CNTN2: variants seen among roughly 807,000 people sequenced by gnomAD.
The protein encoded by CNTN2 is contactin 2.
A neutral mutation model predicts 117.5 loss-of-function variants in CNTN2; 53 were observed. The ratio of observed to expected loss-of-function variants is 0.45; its 90% CI spans 0.36 to 0.57. The LOEUF (loss-of-function observed/expected upper bound fraction) is 0.57, where lower values mean the gene tolerates loss of function less well. Ranked by LOEUF, CNTN2 falls within the 20% of genes least tolerant of loss-of-function variation. The pLI, the probability that CNTN2 is intolerant of heterozygous loss-of-function variation, is 0.00. For missense variants in CNTN2, 1,106 were observed against 1,404.3 expected (o/e 0.79, Z 3.39); for synonymous variants, 530 against 561.7 (o/e 0.94, Z 0.80).
intron 15 of CNTN2, 123 bp downstream of exon 15, chr1:205,066,722 G>C (rs1654311585): frequency 1.8e-6 from 2 of 1,139,728 alleles, no homozygotes; most frequent in Admixed American, 5.0e-5. Context: ...TTCAAAGAGG[G>C]ACAAGATCTG....
chr1:205,050,319 C>CAG (rs1334522560), intron 1 of CNTN2, among the ~76,000 whole-genome samples: 5 of 111,530 alleles, frequency 4.5e-5, no homozygotes, highest in African/African-American at 1.3e-4. Context: ...GTGTGTGTGA[C>CAG]AGAGAGAGAG....
intron 2 of CNTN2, among the ~76,000 whole-genome samples, chr1:205,056,567 A>G (rs1653634717): frequency 6.6e-6 from 1 of 152,128 alleles, no homozygotes; most frequent in African/African-American, 2.4e-5. Flanking sequence ...GCCACCCCCT[A>G]CCCCTGGAAG....
intron 2 of CNTN2, among the ~76,000 whole-genome samples, chr1:205,056,805 C>A (rs1347874286): frequency 6.6e-6 from 1 of 152,176 alleles, no homozygotes; most frequent in Admixed American, 6.5e-5. Flanking sequence ...TCCGGCCAAT[C>A]TGTGGCTCTT....
Position 205,065,724 on chromosome 1 carries a change from A to G in CNTN2, c.1696-65A>G. 6.3e-7 allele frequency: 1 copy of G among 1,586,170 alleles called. No individual in the cohort carries two copies. The highest frequency in any genetic ancestry group is 8.6e-7 in the Non-Finnish European group (1 of 1,161,570). Reference sequence around the variant, plus strand: ...ACTCCCAAGCGCTGCCTCATGTCTCATGGCCTGCTGCACTGGTCAGGGCCG... The same window carrying G: ...ACTCCCAAGCGCTGCCTCATGTCTCGTGGCCTGCTGCACTGGTCAGGGCCG... On this transcript the variant is annotated intron_variant, in intron 13 of 22. Coordinates refer to ENST00000331830, the MANE Select transcript of CNTN2 (RefSeq NM_005076.5). The surrounding 1 kb of genome is among the most constrained non-coding windows in gnomAD (Gnocchi z 4.1).
rs144623146 is a variant in CNTN2 at position 205,077,746 on chromosome 1, C to T, written c.*3981C>T. The T allele has an allele frequency of 1.3e-5, 2 of 152,356 alleles. No homozygotes were observed. The highest frequency in any genetic ancestry group is 3.9e-4 in the East Asian group (2 of 5,182). The allele number at this position is 152,356 out of a possible 1,614,324, so 9.4% of individuals were successfully genotyped here. A position where few individuals can be genotyped will look rare whatever the true frequency, so the allele number is the denominator to read the frequency against. On this transcript the variant is annotated 3_prime_UTR_variant, in exon 23 of 23. Transcript: ENST00000331830. ...CCTTTGGGGCCTATGACACTTAGTG[C>T]CCTTAGATGGGATACATCTTGCCTC... is the stretch of plus-strand genomic sequence containing the variant.
intron 2 of CNTN2, among the ~76,000 whole-genome samples, chr1:205,055,123 C>T (rs1322284590): frequency 6.6e-6 from 1 of 152,090 alleles, no homozygotes; most frequent in Admixed American, 6.5e-5. Flanking sequence ...AAGCGATTCT[C>T]CTGCCTCAAC....
At chr1:205,060,832 C>T (rs1653936817) in intron 7 of CNTN2, 1 of 177,906 alleles carries the variant, frequency 5.6e-6, no homozygotes, top group Non-Finnish European at 1.2e-5. Flanking sequence ...ACTAAAGTCC[C>T]TTTCAAAGTA....
At position 205,073,883 on chromosome 1, in the gene CNTN2, CTACTT is replaced by C. The variant is rs1005896303; in HGVS notation, c.*121_*125del. On this transcript the variant is annotated 3_prime_UTR_variant, in exon 23 of 23. Coordinates refer to ENST00000331830, the MANE Select transcript of CNTN2 (RefSeq NM_005076.5). The surrounding 1 kb of genome is among the most constrained non-coding windows in gnomAD (Gnocchi z 6.3). The stretch of plus-strand genomic sequence containing the variant: ...CCAGAGAGTGGCTGGTTTTAAATAC[CTACTT>C]TAAACAGTGCCCTTTTTGTAGGAGG... The C allele has an allele frequency of 4.1e-6, 3 of 736,054 alleles. No individual in the cohort carries two copies. Among genetic ancestry groups the C allele is most frequent in the African/African-American group, 1.7e-5 (1 of 57,184 alleles). 45.6% of individuals were successfully genotyped at this position (736,054 alleles called of 1,614,324 possible).
intron 12 of CNTN2, among the ~76,000 whole-genome samples, 164 bp from the exon 13 acceptor site, chr1:205,064,923 C>G (rs1475255294): frequency 6.6e-6 from 1 of 152,166 alleles, no homozygotes; most frequent in East Asian, 1.9e-4. Flanking sequence ...TCATGCCTCC[C>G]TGCCTGCCAC....
At position 205,069,524 on chromosome 1, in the gene CNTN2, G is replaced by T. The variant is rs1267855778; in HGVS notation, c.2159G>T (p.Gly720Val). 6.2e-7 allele frequency: 1 copy of T among 1,614,070 alleles called. No homozygotes were observed. The highest frequency in any genetic ancestry group is 8.5e-7 in the Non-Finnish European group (1 of 1,180,036). ...PSVAPSGLSG[G>V]GGAPGELIVN... ...GTGGCACCCTCAGGACTCAGCGGAGGAGGTGGAGCCCCCGGAGAGCTCATC... is the reference window on the plus strand; with the variant it reads ...GTGGCACCCTCAGGACTCAGCGGAGTAGGTGGAGCCCCCGGAGAGCTCATC... The change falls in exon 17 of 23, where the codon GGA (glycine) becomes GTA (valine). Residue 720 changes from glycine to valine, a missense_variant. Transcript: ENST00000331830.
chr1:205,066,452 C>A lies in CNTN2; in HGVS notation c.1828C>A (p.Pro610Thr). Reference sequence around the variant, plus strand: ...ACCTCTTGGTGCAGGTCCGCCAGGTCCCCCAGGAGGTGTGGTGGTGAGGGA... The same window carrying A: ...ACCTCTTGGTGCAGGTCCGCCAGGTACCCCAGGAGGTGTGGTGGTGAGGGA... ...ATVLVRGPPGPPGGVVVRDIG... is the reference protein window; with the variant it reads ...ATVLVRGPPGTPGGVVVRDIG... The change falls in exon 15 of 23, where the codon CCC (proline) becomes ACC (threonine). Residue 610 changes from proline (P) to threonine (T), a missense_variant. Coordinates refer to ENST00000331830, the MANE Select transcript of CNTN2 (RefSeq NM_005076.5). 6.2e-7 allele frequency: 1 copy of A among 1,613,858 alleles called. No homozygotes were observed.
intron 18 of CNTN2, 52 bp from the exon 19 acceptor site, chr1:205,070,374 C>T: frequency 7.5e-7 from 1 of 1,325,360 alleles, no homozygotes; most frequent in South Asian, 1.2e-5. Flanking sequence ...GGCTGCTCTG[C>T]AGGACACAGG....
At chr1:205,050,022 CT>C (rs79229240) in intron 1 of CNTN2, among the ~76,000 whole-genome samples, 33,160 of 151,910 alleles carry the variant, frequency 0.22, 4,466 homozygotes, top group East Asian at 0.62. Context: ...CTCCAAAGAA[CT>C]CTGTAAAGTG....
chr1:205,064,992 TG>T, intron 12 of CNTN2, 94 bp from the exon 13 acceptor site: 3 of 1,402,140 alleles, frequency 2.1e-6, no homozygotes, highest in Non-Finnish European at 2.9e-6. Context: ...TTCTCTTTGC[TG>T]GGCCTTAGGA....
At chr1:205,055,460 T>C (rs2096459518) in intron 2 of CNTN2, among the ~76,000 whole-genome samples, 1 of 152,114 alleles carries the variant, frequency 6.6e-6, no homozygotes, top group South Asian at 2.1e-4. Flanking sequence ...ATGGAGGTGG[T>C]ACTACGCTGG....
At chr1:205,070,282 A>G in intron 18 of CNTN2, 144 bp from the exon 19 acceptor site, 1 of 704,170 alleles carries the variant, frequency 1.4e-6, no homozygotes, top group South Asian at 1.8e-5. Flanking sequence ...TGGGCCCTGG[A>G]GCATTGCTTG....
rs144293383 is a variant in CNTN2 at position 205,070,508 on chromosome 1, G to C, written c.2514G>C (p.Gln838His). 3 of 1,613,920 alleles carry C rather than the reference G, an allele frequency of 1.9e-6. No individual in the cohort carries two copies. Among genetic ancestry groups the C allele is most frequent in the Admixed American group, 3.3e-5 (2 of 60,024 alleles). ...ACGTGACCTGGGAACCCGTGCAGCA[G>C]GACATGAATGGTATCCTCCTGGGGT... Reference protein sequence around the residue: ...EMNVTWEPVQQDMNGILLGYE... With the variant: ...EMNVTWEPVQHDMNGILLGYE... Residue 838 changes from glutamine (Q) to histidine (H), a missense_variant, in exon 19 of 23, where the codon CAG (glutamine) becomes CAC (histidine). Transcript: ENST00000331830.
At position 205,071,996 on chromosome 1, in the gene CNTN2, G is replaced by C; in HGVS notation, c.2594G>C (p.Arg865Thr). ...AAAGAAGCAGCTGCGGACCGAGTGA[G>C]GACAGCAGGGCTGGACACCAGTGCC... ...GDKEAAADRV[R>T]TAGLDTSARV... Residue 865 changes from arginine to threonine, a missense_variant, in exon 20 of 23, where the codon AGG becomes ACG. Coordinates refer to ENST00000331830, the MANE Select transcript of CNTN2 (RefSeq NM_005076.5). 6.2e-7 allele frequency: 1 copy of C among 1,614,046 alleles called. No homozygotes were observed. The highest frequency in any genetic ancestry group is 8.5e-7 in the Non-Finnish European group (1 of 1,180,002).
intron 16 of CNTN2, 103 bp downstream of exon 16, chr1:205,067,353 T>A: frequency 2.1e-6 from 3 of 1,404,452 alleles, no homozygotes; most frequent in Non-Finnish European, 2.9e-6. Context: ...GTTCCAACCC[T>A]GCTCACAGGG....
Sources: gnomAD v4.1 joint callset for allele counts (sites outside exome capture counted in the v4.1 genomes callset) on GRCh38, gnomAD v4.1.1 for gene constraint, Gnocchi (gnomAD v3.1) non-coding constraint, MANE v1.5 for transcripts, NCBI Gene and HGNC (gene_info 2026-07-23, HGNC 2026-07-21) for gene names.